Variants in ABCC9 observed in about 807,000 individuals in gnomAD.
ABCC9 encodes ATP binding cassette subfamily C member 9, also known as ATP-binding cassette sub-family C member 9.
In ABCC9, 95 loss-of-function variants were observed where a neutral mutation model predicts 188.3. The observed-to-expected ratio is 0.50, with a 90% CI of 0.43 to 0.60. The LOEUF (loss-of-function observed/expected upper bound fraction) is 0.60. ABCC9 is among the 20% of genes least tolerant of loss of function. The probability of loss-of-function intolerance (pLI) is 0.00; values close to 1 mark genes in which losing one functional copy is unlikely to be tolerated. For synonymous variants in ABCC9, 659 were observed against 652.7 expected, an observed-to-expected ratio of 1.01 and a Z score of -0.15; for missense variants, 1,102 against 1,876.3, an observed-to-expected ratio of 0.59 and a Z score of 7.62.
intron 18 of ABCC9, among the ~76,000 whole-genome samples, chr12:21,864,997 C>G (rs566620696): frequency 6.6e-6 from 1 of 152,182 alleles, no homozygotes; most frequent in South Asian, 2.1e-4. Context: ...GCACCAGAAA[C>G]CAAACTACAT....
At chr12:21,898,374 C>T (rs1385926677) in intron 12 of ABCC9, among the ~76,000 whole-genome samples, 1 of 152,126 alleles carries the variant, frequency 6.6e-6, no homozygotes, top group Non-Finnish European at 1.5e-5. Flanking sequence ...TTGAAGGGGT[C>T]ACCAACTTAG....
rs528065262 is a variant in ABCC9 at position 21,814,176 on chromosome 12, C to T, written c.4102+468G>A. Among the ~76,000 whole-genome samples the T allele has an allele frequency of 3.5e-4, 54 of 152,216 alleles. 2 individuals carry two copies. The South Asian group carries it at 8.1e-3, about 23-fold the overall frequency. On this transcript the variant is annotated intron_variant, in intron 35 of 39. Coordinates refer to ENST00000261200, the MANE Select transcript of ABCC9 (RefSeq NM_020297.4). ...CAGCAAAGGTTGCCTCCTCACAAAA[C>T]GTTCAATGTCATTAAGCAATGTTAT...
intron 11 of ABCC9, among the ~76,000 whole-genome samples, chr12:21,907,579 C>T (rs1948103514): frequency 6.6e-6 from 1 of 152,024 alleles, no homozygotes; most frequent in Admixed American, 6.6e-5. Flanking sequence ...CTTTTTCTTG[C>T]TTGCCAAGTT....
At chr12:21,809,667 G>A (rs1942097510) in intron 37 of ABCC9, among the ~76,000 whole-genome samples, 185 bp downstream of exon 37, 1 of 152,050 alleles carries the variant, frequency 6.6e-6, no homozygotes, top group Middle Eastern at 3.2e-3. Context: ...TTGTTATCGG[G>A]TTCACCCTCT....
chr12:21,815,943 A>G (rs1388068648), intron 33 of ABCC9, 50 bp from the exon 34 acceptor site: 1 of 1,468,836 alleles, frequency 6.8e-7, no homozygotes. Context: ...ATAGAGATTG[A>G]TGTAGAAAGA....
chr12:21,923,649 G>A, intron 5 of ABCC9: 1 of 554,624 alleles, frequency 1.8e-6, no homozygotes, highest in Non-Finnish European at 3.2e-6. Context: ...ATGTGGAACT[G>A]GAACTCTTAC....
At chr12:21,801,318 C>A (rs536647460) in intron 39 of ABCC9, 137 bp from the exon 40 acceptor site, 1 of 1,101,688 alleles carries the variant, frequency 9.1e-7, no homozygotes, top group Non-Finnish European at 1.3e-6. Flanking sequence ...ATCACAGACA[C>A]CTCCCCTTTT....
chr12:21,834,368 A>G (rs1214513816), intron 30 of ABCC9, among the ~76,000 whole-genome samples: 1 of 152,142 alleles, frequency 6.6e-6, no homozygotes, highest in Non-Finnish European at 1.5e-5. Flanking sequence ...AGGTCTTGGA[A>G]GGAAATGGAC....
At chr12:21,930,643 G>A (rs1949246493) in intron 4 of ABCC9, among the ~76,000 whole-genome samples, 1 of 152,184 alleles carries the variant, frequency 6.6e-6, no homozygotes, top group Admixed American at 6.5e-5. Context: ...TACACAATAT[G>A]TGCAAACGTG....
At chr12:21,866,159 G>T (rs1945767651) in intron 18 of ABCC9, among the ~76,000 whole-genome samples, 1 of 152,140 alleles carries the variant, frequency 6.6e-6, no homozygotes, top group East Asian at 1.9e-4. Context: ...ATTCAGCATG[G>T]CTGAAATGTA....
At chr12:21,863,111 G>T in intron 19 of ABCC9, 57 bp from the exon 20 acceptor site, 1 of 1,132,308 alleles carries the variant, frequency 8.8e-7, no homozygotes, top group Non-Finnish European at 1.3e-6. Context: ...TACTGTGCGT[G>T]TATGTATTTT....
chr12:21,885,614 G>C, intron 15 of ABCC9, among the ~76,000 whole-genome samples: 1 of 152,012 alleles, frequency 6.6e-6, no homozygotes, highest in East Asian at 1.9e-4. Flanking sequence ...ATCCCCTACT[G>C]CCTAAAAGTT....
chr12:21,877,210 C>T (rs993586331), intron 16 of ABCC9, among the ~76,000 whole-genome samples: 1 of 152,100 alleles, frequency 6.6e-6, no homozygotes, highest in Non-Finnish European at 1.5e-5. Flanking sequence ...GAAGTGAGTA[C>T]AAGACACGAC....
chr12:21,856,261 G>C (rs887751849), intron 22 of ABCC9, among the ~76,000 whole-genome samples: 7 of 151,990 alleles, frequency 4.6e-5, no homozygotes, highest in African/African-American at 1.7e-4. Flanking sequence ...TAAGATTATG[G>C]GGAAATATTT....
At chr12:21,809,344 T>C (rs1239358726) in intron 37 of ABCC9, among the ~76,000 whole-genome samples, 2 of 152,282 alleles carry the variant, frequency 1.3e-5, no homozygotes, top group Non-Finnish European at 1.5e-5. Flanking sequence ...CTCAAGGCAA[T>C]ACAAAACAAT....
At position 21,875,680 on chromosome 12, in the gene ABCC9, G is replaced by A. The variant is rs200288646; in HGVS notation, c.2066C>T (p.Ser689Phe). ...TGTTGGAATTCGAATATCTATATTG[G>A]ATAATGTAGCTAAACCACTGCCCCA... ...FSWGSGLATLSNIDIRIPTGQ... is the reference protein window; with the variant it reads ...FSWGSGLATLFNIDIRIPTGQ... Residue 689 changes from serine (S) to phenylalanine (F), a missense_variant, in exon 17 of 40, where the codon TCC becomes TTC. Ser to Phe is a radical substitution (Grantham distance 155). This residue lies in a region of ABCC9 where 258 missense variants were observed against 325.6 expected (regional missense o/e 0.79). Transcript: ENST00000261200. The A allele has an allele frequency of 2.5e-6, 4 of 1,612,514 alleles. No individual in the cohort carries two copies. Among genetic ancestry groups the A allele is most frequent in the Non-Finnish European group, 3.4e-6 (4 of 1,178,754 alleles).
intron 3 of ABCC9, among the ~76,000 whole-genome samples, chr12:21,935,604 C>G (rs1193055590): frequency 6.6e-6 from 1 of 151,966 alleles, no homozygotes; most frequent in Non-Finnish European, 1.5e-5. Context: ...TGGAAAGATA[C>G]CATACATGAA....
chr12:21,811,734 CA>C (rs1226194762), intron 36 of ABCC9, among the ~76,000 whole-genome samples: 1 of 152,108 alleles, frequency 6.6e-6, no homozygotes. Flanking sequence ...TCAGGCCAGA[CA>C]CACAAGTTAG....
chr12:21,900,813 C>T (rs1947707032), intron 12 of ABCC9, among the ~76,000 whole-genome samples: 1 of 152,008 alleles, frequency 6.6e-6, no homozygotes, highest in Admixed American at 6.5e-5. Flanking sequence ...ATGAAAAGAC[C>T]AAATCTACGT....
Sources: allele counts gnomAD v4.1 joint callset (sites outside exome capture counted in the v4.1 genomes callset), GRCh38; gene constraint gnomAD v4.1.1; regional missense constraint gnomAD v4.1.1; transcripts MANE v1.5; gene names NCBI Gene and HGNC (gene_info 2026-07-23, HGNC 2026-07-21).